The following TCTN1 variants were observed in gnomAD, a reference collection of about 807,000 sequenced individuals.
TCTN1 encodes tectonic-1.
A neutral mutation model predicts 65.8 loss-of-function variants in TCTN1; 58 were observed. The observed-to-expected ratio is 0.88, with a 90% CI of 0.71 to 1.10. The LOEUF (loss-of-function observed/expected upper bound fraction) is 1.10. Ranked by LOEUF, TCTN1 falls within the 50% of genes least tolerant of loss-of-function variation. TCTN1 has a pLI of 0.00. For synonymous variants in TCTN1, 273 were observed against 289.1 expected, an observed-to-expected ratio of 0.94 and a Z score of 0.57; for missense variants, 645 against 719.4, an observed-to-expected ratio of 0.90 and a Z score of 1.18.
intron 2 of TCTN1, among the ~76,000 whole-genome samples, chr12:110,622,911 C>T (rs1454505293): frequency 2.0e-5 from 3 of 152,170 alleles, no homozygotes; most frequent in African/African-American, 7.2e-5. Context: ...AACGGTTTCC[C>T]TCCCCATCCT....
intron 2 of TCTN1, among the ~76,000 whole-genome samples, chr12:110,620,900 C>T (rs1453853796): frequency 6.6e-6 from 1 of 151,748 alleles, no homozygotes; most frequent in Non-Finnish European, 1.5e-5. Context: ...GCAACCACCG[C>T]CTCCTGGCTT....
intron 7 of TCTN1, 33 bp downstream of exon 7, chr12:110,636,534 G>C (rs200018241): frequency 8.3e-6 from 10 of 1,205,748 alleles, no homozygotes; most frequent in Non-Finnish European, 1.2e-5. Context: ...GTAATAGAAA[G>C]TAGGATAGTT....
At chr12:110,643,328 G>A (rs1445616400) in intron 11 of TCTN1, 1 of 152,182 alleles carries the variant, frequency 6.6e-6, no homozygotes, top group Non-Finnish European at 1.5e-5. Flanking sequence ...GAGGAAGCCT[G>A]AATATGATCT....
intron 11 of TCTN1, 152 bp downstream of exon 11, chr12:110,642,541 C>A: frequency 8.8e-7 from 1 of 1,132,114 alleles, no homozygotes; most frequent in Non-Finnish European, 1.3e-6. Flanking sequence ...AGTAGCAAAA[C>A]TGTTACAATC....
In TCTN1 at chr12:110,648,428, T is replaced by C. The variant is rs116591908; in HGVS notation, c.*1+535T>C. 5.6e-3 allele frequency among the ~76,000 whole-genome samples: 855 copies of C among 152,224 alleles called. 8 individuals are homozygous for C. The highest frequency in any genetic ancestry group is 0.019 in the African/African-American group (798 of 41,528). ...GTCATAGATGATAGAACCCAAAAAG[T>C]CTTTGGGGAGATGGTAAAGAACATG... On this transcript the variant is annotated intron_variant, in intron 14 of 14. Transcript: ENST00000397659.
At chr12:110,641,209 T>C in intron 9 of TCTN1, 60 bp downstream of exon 9, 8 of 1,608,298 alleles carry the variant, frequency 5.0e-6, no homozygotes, top group Non-Finnish European at 6.8e-6. Flanking sequence ...AATAATGACT[T>C]CTCAGTGGAT....
Position 110,641,115 on chromosome 12 carries a change from C to T in TCTN1, c.1070C>T (p.Pro357Leu). 1 of 1,614,210 alleles carries T rather than the reference C, an allele frequency of 6.2e-7. No individual in the cohort carries two copies. The highest frequency in any genetic ancestry group is 8.5e-7 in the Non-Finnish European group (1 of 1,180,050). The change falls in exon 9 of 15, where the codon CCA (proline) becomes CTA (leucine). Residue 357 changes from proline (P) to leucine (L), a missense_variant. Coordinates refer to ENST00000397659, the MANE Select transcript of TCTN1 (RefSeq NM_001082538.3). ...GGGACAGTTAGCAGCGTAGTGGTCC[C>T]ACTGCAGCAAAAGTTTGAAATTCAT... The part of the protein sequence containing the change: ...VLGTVSSVVV[P>L]LQQKFEIHFL...
chr12:110,649,025 T>A lies in TCTN1; in HGVS notation c.*2-18T>A. 1 of 484,002 alleles carries A rather than the reference T, an allele frequency of 2.1e-6. No homozygotes were observed. Among genetic ancestry groups the A allele is most frequent in the Middle Eastern group, 3.1e-4 (1 of 3,250 alleles). 30.0% of individuals were successfully genotyped at this position (484,002 alleles called of 1,614,324 possible). On this transcript the variant is annotated intron_variant, in intron 14 of 14. Coordinates refer to ENST00000397659, the MANE Select transcript of TCTN1 (RefSeq NM_001082538.3). The stretch of plus-strand genomic sequence containing the variant: ...GAATGGGGTGGCAGCTAAAGTAGCT[T>A]CTTTTTCTTTCTTTCAGAATGCTCA...
chr12:110,634,176 A>G (rs1413545031), intron 5 of TCTN1, among the ~76,000 whole-genome samples: 1 of 152,322 alleles, frequency 6.6e-6, no homozygotes, highest in South Asian at 2.1e-4. Flanking sequence ...ATAAAAATAT[A>G]TGTATGTTTT....
chr12:110,623,417 A>G (rs1430877896), intron 2 of TCTN1, among the ~76,000 whole-genome samples: 3 of 152,208 alleles, frequency 2.0e-5, no homozygotes, highest in Non-Finnish European at 2.9e-5. Flanking sequence ...GTACAGGGAA[A>G]TAGGCACTCT....
intron 13 of TCTN1, 26 bp downstream of exon 13, chr12:110,647,362 T>A: frequency 6.2e-7 from 1 of 1,613,960 alleles, no homozygotes; most frequent in Admixed American, 1.7e-5. Context: ...TTTAAAGGCA[T>A]AGGTTAAGAC....
intron 2 of TCTN1, among the ~76,000 whole-genome samples, chr12:110,622,141 AAATAAT>A (rs796163780): frequency 2.0e-5 from 3 of 149,716 alleles, no homozygotes; most frequent in Admixed American, 6.7e-5. Context: ...CCATAAAAAA[AAATAAT>A]AATAATAATA....
chr12:110,646,727 G>A, intron 12 of TCTN1: 1 of 217,850 alleles, frequency 4.6e-6, no homozygotes, highest in South Asian at 6.5e-5. Flanking sequence ...GCCAATTGAT[G>A]AAATTAGGTA....
At chr12:110,647,075 T>C in intron 12 of TCTN1, 121 bp from the exon 13 acceptor site, 1 of 1,185,048 alleles carries the variant, frequency 8.4e-7, no homozygotes, top group Non-Finnish European at 1.2e-6. Context: ...TCTGAACTTG[T>C]AGAGTCTATT....
intron 14 of TCTN1, chr12:110,648,708 A>T: frequency 4.1e-6 from 1 of 241,594 alleles, no homozygotes; most frequent in Non-Finnish European, 8.0e-6. Flanking sequence ...TGCACCAGGC[A>T]CTGTAGCTAG....
Position 110,614,193 on chromosome 12 carries a change from G to A in TCTN1, c.11G>A (p.Arg4Gln). The change falls in exon 1 of 15, where the codon CGA (arginine) becomes CAA (glutamine). Residue 4 changes from arginine (R) to glutamine (Q), a missense_variant. Arg to Gln is a conservative substitution (Grantham distance 43). Coordinates refer to ENST00000397659, the MANE Select transcript of TCTN1 (RefSeq NM_001082538.3). MRP[R>Q]GLPPLLVVLL... Reference sequence around the variant, plus strand: ...GGGACTCCCTGGGAGATGAGGCCGCGAGGTCTCCCGCCGCTCCTGGTGGTG... The same window carrying A: ...GGGACTCCCTGGGAGATGAGGCCGCAAGGTCTCCCGCCGCTCCTGGTGGTG... 1.3e-6 allele frequency: 2 copies of A among 1,553,224 alleles called. No homozygotes were observed. The highest frequency in any genetic ancestry group is 1.7e-6 in the Non-Finnish European group (2 of 1,149,214).
intron 2 of TCTN1, among the ~76,000 whole-genome samples, chr12:110,620,849 G>C (rs1461553807): frequency 7.2e-6 from 1 of 138,690 alleles, no homozygotes; most frequent in Non-Finnish European, 1.5e-5. Flanking sequence ...GTCTCGCTCT[G>C]TTGCCCAGGC....
intron 14 of TCTN1, among the ~76,000 whole-genome samples, chr12:110,648,162 G>C (rs2067500592): frequency 6.6e-6 from 1 of 152,072 alleles, no homozygotes; most frequent in Non-Finnish European, 1.5e-5. Context: ...GTAGAGATGG[G>C]GTCTTGCTGT....
At chr12:110,646,100 A>C (rs1002522286) in intron 12 of TCTN1, 1 of 152,238 alleles carries the variant, frequency 6.6e-6, no homozygotes. Context: ...CAGTGCGCAC[A>C]TGGCACCGTC....
Sources: allele counts gnomAD v4.1 joint callset (sites outside exome capture counted in the v4.1 genomes callset), GRCh38; gene constraint gnomAD v4.1.1; transcripts MANE v1.5; gene names NCBI Gene and HGNC (gene_info 2026-07-23, HGNC 2026-07-21).